Variants in TBC1D9 observed in about 807,000 individuals in gnomAD.
TBC1D9 encodes TBC1 domain family member 9A.
TBC1D9 carries 63 observed loss-of-function variants against 132.0 expected under a neutral mutation model. The ratio of observed to expected loss-of-function variants is 0.48; its 90% CI spans 0.39 to 0.59. TBC1D9 has a LOEUF of 0.59. TBC1D9 is among the 20% of genes least tolerant of loss of function. The probability of loss-of-function intolerance (pLI) is 0.00; values close to 1 mark genes in which losing one functional copy is unlikely to be tolerated. For missense variants in TBC1D9, 1,261 were observed against 1,592.7 expected, an observed-to-expected ratio of 0.79 and a Z score of 3.54; for synonymous variants, 610 against 609.9, an observed-to-expected ratio of 1.00 and a Z score of 0.00.
rs376937038 is a variant in TBC1D9, at chr4:140,622,120, A to G, written c.*75T>C. The stretch of plus-strand genomic sequence containing the variant: ...AATATTTAATTTAAAAGAAAGAAAG[A>G]AAAAACTCAACACAGAAGAACATAA... On this transcript the variant is annotated 3_prime_UTR_variant, in exon 21 of 21. Transcript: ENST00000442267. 2 of 1,485,860 alleles carry G rather than the reference A, an allele frequency of 1.3e-6. No individual in the cohort carries two copies. Among genetic ancestry groups the G allele is most frequent in the Non-Finnish European group, 1.8e-6 (2 of 1,117,194 alleles). 92.0% of individuals were successfully genotyped at this position (1,485,860 alleles called of 1,614,324 possible). A position where few individuals can be genotyped will look rare whatever the true frequency, so the allele number is the denominator to read the frequency against.
chr4:140,666,901 G>A (rs750517297), intron 9 of TBC1D9, among the ~76,000 whole-genome samples: 108 of 152,166 alleles, frequency 7.1e-4, no homozygotes, highest in Admixed American at 3.3e-4. Flanking sequence ...ACTGGCCAAG[G>A]CCTTGTCTCT....
intron 2 of TBC1D9, among the ~76,000 whole-genome samples, chr4:140,698,613 C>T (rs144348403): frequency 2.8e-4 from 43 of 152,030 alleles, no homozygotes; most frequent in Middle Eastern, 3.4e-3. Context: ...CAGGGCGTGC[C>T]TGTAATCCCA....
At chr4:140,671,058 A>G in intron 6 of TBC1D9, 132 bp from the exon 7 acceptor site, 1 of 677,160 alleles carries the variant, frequency 1.5e-6, no homozygotes, top group Non-Finnish European at 2.5e-6. Context: ...TTGAAGCAAA[A>G]CTGAGACTCT....
At chr4:140,729,534 G>A (rs1325473755) in intron 1 of TBC1D9, among the ~76,000 whole-genome samples, 1 of 152,082 alleles carries the variant, frequency 6.6e-6, no homozygotes, top group East Asian at 1.9e-4. Flanking sequence ...TGACACAACA[G>A]GGTTTTTCTC....
intron 1 of TBC1D9, among the ~76,000 whole-genome samples, chr4:140,702,832 T>C (rs1738093049): frequency 6.6e-6 from 1 of 152,238 alleles, no homozygotes; most frequent in Non-Finnish European, 1.5e-5. Flanking sequence ...ACAGTTACTC[T>C]AAAGCTACAT....
chr4:140,743,024 G>C (rs1237684383), intron 1 of TBC1D9, among the ~76,000 whole-genome samples: 3 of 151,782 alleles, frequency 2.0e-5, no homozygotes, highest in African/African-American at 7.3e-5. Flanking sequence ...AGGGATGGAG[G>C]GAGGGAGGAA....
At position 140,657,702 on chromosome 4, in the gene TBC1D9, A is replaced by T. The variant is rs1283187473; in HGVS notation, c.2032T>A (p.Phe678Ile). 6.2e-7 allele frequency: 1 copy of T among 1,613,904 alleles called. No individual in the cohort carries two copies. The highest frequency in any genetic ancestry group is 1.3e-5 in the African/African-American group (1 of 74,926). The stretch of plus-strand genomic sequence containing the variant: ...ATCACACTGAGAAATAGTGTGAGGA[A>T]CCAAGACAGGGAGATGGTGGAAATC... Reference protein sequence around the residue: ...GVISTISLSWFLTLFLSVMPF... With the variant: ...GVISTISLSWILTLFLSVMPF... Residue 678 changes from phenylalanine to isoleucine, a missense_variant, in exon 12 of 21, where the codon TTC (phenylalanine) becomes ATC (isoleucine). Physicochemically the swap from Phe to Ile is conservative, Grantham distance 21. Transcript: ENST00000442267.
intron 9 of TBC1D9, among the ~76,000 whole-genome samples, chr4:140,667,465 T>G (rs769405981): frequency 6.6e-6 from 1 of 152,230 alleles, no homozygotes; most frequent in Admixed American, 6.5e-5. Flanking sequence ...CTGAATCTGG[T>G]TGTCAAGGTG....
intron 9 of TBC1D9, among the ~76,000 whole-genome samples, chr4:140,666,337 T>C (rs1737443220): frequency 6.6e-6 from 1 of 152,130 alleles, no homozygotes. Flanking sequence ...CAGTTTATAT[T>C]TATTTTCCTT....
At chr4:140,645,500 C>T in intron 13 of TBC1D9, 1 of 374,896 alleles carries the variant, frequency 2.7e-6, no homozygotes, top group Middle Eastern at 9.4e-4. Context: ...TTAACTACCC[C>T]TAAGCCACTA....
At chr4:140,724,924 A>G (rs1346193886) in intron 1 of TBC1D9, among the ~76,000 whole-genome samples, 1 of 152,232 alleles carries the variant, frequency 6.6e-6, no homozygotes, top group Non-Finnish European at 1.5e-5. Flanking sequence ...GTTTTGCAAG[A>G]CTGGGAAAAC....
At chr4:140,632,227 C>T (rs1235868021) in intron 16 of TBC1D9, among the ~76,000 whole-genome samples, 2 of 149,760 alleles carry the variant, frequency 1.3e-5, no homozygotes, top group African/African-American at 2.5e-5. Flanking sequence ...ATGTAGAACC[C>T]GTCTCTTTTT....
chr4:140,723,924 A>T (rs886850473), intron 1 of TBC1D9, among the ~76,000 whole-genome samples: 5 of 151,876 alleles, frequency 3.3e-5, no homozygotes, highest in African/African-American at 9.7e-5. Context: ...TTTTTATTTT[A>T]TAGAGACAAA....
chr4:140,629,762 G>A (rs1736762765), intron 16 of TBC1D9, among the ~76,000 whole-genome samples: 1 of 152,122 alleles, frequency 6.6e-6, no homozygotes, highest in Non-Finnish European at 1.5e-5. Context: ...GAATTCAACT[G>A]TTCACACTCT....
intron 1 of TBC1D9, among the ~76,000 whole-genome samples, chr4:140,718,137 G>C (rs1230418293): frequency 6.6e-6 from 1 of 150,832 alleles, no homozygotes; most frequent in Non-Finnish European, 1.5e-5. Context: ...TAATTCAATT[G>C]AGTAAATAGT....
At position 140,624,108 on chromosome 4, in the gene TBC1D9, G is replaced by A; in HGVS notation, c.3078+8C>T. 6.3e-7 allele frequency: 1 copy of A among 1,591,662 alleles called. No homozygotes were observed. Among genetic ancestry groups the A allele is most frequent in the Non-Finnish European group, 8.6e-7 (1 of 1,165,810 alleles). ...TTGAAGCGAATGATTTGAACTTTAA[G>A]CACTTACCTGATTTAATTTGGGTAA... On this transcript the variant is annotated splice_region_variant and intron_variant, in intron 20 of 20. Transcript: ENST00000442267.
chr4:140,642,350 G>A lies in TBC1D9; in HGVS notation c.2338-2922C>T. 4.9e-6 allele frequency: 4 copies of A among 822,076 alleles called. No individual in the cohort carries two copies. In the Admixed American group the frequency reaches 6.1e-5, roughly 13 times the overall value. 50.9% of individuals were successfully genotyped at this position (822,076 alleles called of 1,614,324 possible). ...CCACCCCTATCTTCCTGGCTTTGGCGGCCCTTTTGTGTTTACCTTCTCTGG... is the reference window on the plus strand; with the variant it reads ...CCACCCCTATCTTCCTGGCTTTGGCAGCCCTTTTGTGTTTACCTTCTCTGG... On this transcript the variant is annotated intron_variant, in intron 13 of 20. Transcript: ENST00000442267.
intron 2 of TBC1D9, among the ~76,000 whole-genome samples, chr4:140,700,158 A>T (rs929342056): frequency 2.6e-5 from 4 of 151,994 alleles, no homozygotes; most frequent in African/African-American, 4.8e-5. Context: ...TATTAAAAAA[A>T]AAAATAAAAG....
At chr4:140,649,832 C>T (rs984563678) in intron 13 of TBC1D9, among the ~76,000 whole-genome samples, 4 of 152,172 alleles carry the variant, frequency 2.6e-5, no homozygotes, top group African/African-American at 7.2e-5. Context: ...GAATGGGTGG[C>T]CCTTTCTAGG....
Sources: allele counts gnomAD v4.1 joint callset (sites outside exome capture counted in the v4.1 genomes callset), GRCh38; gene constraint gnomAD v4.1.1; transcripts MANE v1.5; gene names NCBI Gene and HGNC (gene_info 2026-07-23, HGNC 2026-07-21).